The following RRH variants were observed in gnomAD, a reference collection of about 807,000 sequenced individuals.
RRH encodes the protein retinal pigment epithelium-derived rhodopsin homolog, also known as visual pigment-like receptor peropsin.
Under a neutral mutation model 33.1 loss-of-function variants are expected in RRH, and 36 were observed. The observed-to-expected ratio is 1.09, with a 90% CI of 0.83 to 1.44. RRH has a LOEUF of 1.44. RRH is among the 40% of genes most tolerant of loss of function. RRH has a pLI of 0.00. For missense variants in RRH, 393 were observed against 420.2 expected, an observed-to-expected ratio of 0.94 and a Z score of 0.57; for synonymous variants, 124 against 140.2, an observed-to-expected ratio of 0.88 and a Z score of 0.82.
intron 5 of RRH, among the ~76,000 whole-genome samples, chr4:109,838,960 T>A (rs1309262975): frequency 6.6e-6 from 1 of 152,146 alleles, no homozygotes; most frequent in African/African-American, 2.4e-5. Context: ...TTTCTCTGAT[T>A]ATTTCAGTCC....
At chr4:109,836,891 C>CAAAAAAAAAAAAAAAAAAAAAAAAAAA (rs56989659) in intron 4 of RRH, among the ~76,000 whole-genome samples, 3 of 84,416 alleles carry the variant, frequency 3.6e-5, no homozygotes, top group African/African-American at 1.8e-4. Context: ...CCTGTCTCTA[C>CAAAAAAAAAAAAAAAAAAAAAAAAAAA]AAAAAAAAAA....
At position 109,835,482 on chromosome 4, in the gene RRH, A is replaced by G; in HGVS notation, c.397+17A>G. On this transcript the variant is annotated intron_variant, in intron 3 of 6. Transcript: ENST00000317735. ...CTGACGTAGGTACAACACTTTTCTC[A>G]GCTTTCTTAATGAATCCATTTCTTG... is the stretch of plus-strand genomic sequence containing the variant. The G allele has an allele frequency of 6.4e-7, 1 of 1,564,282 alleles. No individual in the cohort carries two copies.
intron 1 of RRH, among the ~76,000 whole-genome samples, chr4:109,830,922 A>G (rs938972378): frequency 5.9e-5 from 9 of 152,180 alleles, no homozygotes; most frequent in Non-Finnish European, 1.2e-4. Context: ...AGAAATCAAC[A>G]TCAAGTGCTA....
At chr4:109,835,641 A>G (rs1049288525) in intron 3 of RRH, among the ~76,000 whole-genome samples, 176 bp downstream of exon 3, 6 of 152,182 alleles carry the variant, frequency 3.9e-5, no homozygotes, top group Non-Finnish European at 5.9e-5. Flanking sequence ...ATAAAATCCA[A>G]ATTTCATAAG....
intron 6 of RRH, among the ~76,000 whole-genome samples, chr4:109,843,179 C>G (rs1734014845): frequency 6.6e-6 from 1 of 152,238 alleles, no homozygotes; most frequent in East Asian, 1.9e-4. Context: ...TACCTCCTCT[C>G]TTTTTTGGGT....
At chr4:109,831,158 CA>C (rs1189550989) in intron 1 of RRH, among the ~76,000 whole-genome samples, 16 of 152,240 alleles carry the variant, frequency 1.1e-4, no homozygotes, top group African/African-American at 3.4e-4. Context: ...ACTTGGTAGG[CA>C]GCAATTTACT....
At chr4:109,835,789 T>C (rs1026004663) in intron 3 of RRH, among the ~76,000 whole-genome samples, 2 of 95,434 alleles carry the variant, frequency 2.1e-5, no homozygotes, top group African/African-American at 8.9e-5. Context: ...TTAAATGTCT[T>C]TTTTTTTTTC....
In RRH at chr4:109,837,596, T is replaced by C. The variant is rs754855086; in HGVS notation, c.711T>C (p.Asp237=). The C allele has an allele frequency of 2.5e-6, 4 of 1,613,688 alleles. No individual in the cohort carries two copies. In the East Asian group the frequency reaches 6.7e-5, roughly 27 times the overall value. ...ACAGAGACTGGTCAGATCAGATAGA[T>C]GTAACAAAGGTAAGAGATCAAAATC... The part of the protein sequence containing the change: ...SLNRDWSDQI[D]VTKMSVIMIC... Residue 237 remains aspartate (D), a synonymous_variant, in exon 5 of 7, where the codon GAT becomes GAC. Coordinates refer to ENST00000317735, the MANE Select transcript of RRH (RefSeq NM_006583.5).
intron 1 of RRH, 124 bp from the exon 2 acceptor site, chr4:109,833,015 C>G: frequency 1.3e-6 from 1 of 779,724 alleles, no homozygotes; most frequent in East Asian, 2.7e-5. Context: ...AGCAGGAGCT[C>G]TTCAAATAAA....
Position 109,842,466 on chromosome 4 carries a change from C to T in RRH, c.721-3C>T. On this transcript the variant is annotated splice_polypyrimidine_tract_variant and splice_region_variant and intron_variant, in intron 5 of 6. Coordinates refer to ENST00000317735, the MANE Select transcript of RRH (RefSeq NM_006583.5). ...GGCTTGGTGAATATTTATTTCTTTTCAGATGTCTGTGATCATGATCTGCAT... is the reference window on the plus strand; with the variant it reads ...GGCTTGGTGAATATTTATTTCTTTTTAGATGTCTGTGATCATGATCTGCAT... 6.2e-7 allele frequency: 1 copy of T among 1,613,474 alleles called. No individual in the cohort carries two copies. The highest frequency in any genetic ancestry group is 1.6e-4 in the Middle Eastern group (1 of 6,062).
Position 109,828,012 on chromosome 4 carries a change from G to A in RRH, c.-16G>A, listed in dbSNP as rs1224336070. ...AAGGCTTATTATGAAGGGTGTTTCGGTATCTTCCCTCCAAAATGCTAAGAA... is the reference window on the plus strand; with the variant it reads ...AAGGCTTATTATGAAGGGTGTTTCGATATCTTCCCTCCAAAATGCTAAGAA... On this transcript the variant is annotated 5_prime_UTR_variant, in exon 1 of 7. Transcript: ENST00000317735. 6.6e-7 allele frequency: 1 copy of A among 1,504,416 alleles called. No individual in the cohort carries two copies. Among genetic ancestry groups the A allele is most frequent in the East Asian group, 2.3e-5 (1 of 44,266 alleles). The allele number at this position is 1,504,416 out of a possible 1,614,324, so 93.2% of individuals were successfully genotyped here. A position where few individuals can be genotyped will look rare whatever the true frequency, so the allele number is the denominator to read the frequency against.
chr4:109,833,259 G>C lies in RRH; in HGVS notation c.227G>C (p.Ser76Thr). 3 of 1,613,888 alleles carry C rather than the reference G, an allele frequency of 1.9e-6. No homozygotes were observed. Among genetic ancestry groups the C allele is most frequent in the Non-Finnish European group, 2.5e-6 (3 of 1,179,800 alleles). ...GCTGTTACTGATATAGGGGTCAGTA[G>C]CATTGGCTATCCCATGTCTGCTGCC... ...NLAVTDIGVS[S>T]IGYPMSAASD... Residue 76 changes from serine to threonine, a missense_variant, in exon 2 of 7, where the codon AGC becomes ACC. Coordinates refer to ENST00000317735, the MANE Select transcript of RRH (RefSeq NM_006583.5).
At chr4:109,834,325 CTT>C (rs70954188) in intron 2 of RRH, among the ~76,000 whole-genome samples, 23,031 of 132,138 alleles carry the variant, frequency 0.17, 1,604 homozygotes, top group East Asian at 0.38. Flanking sequence ...TTTTCTTTTC[CTT>C]TTTTTTTTTT....
At chr4:109,836,503 A>G (rs1733887341) in intron 4 of RRH, among the ~76,000 whole-genome samples, 1 of 152,196 alleles carries the variant, frequency 6.6e-6, no homozygotes, top group South Asian at 2.1e-4. Flanking sequence ...ATGAAGCTAG[A>G]CAGAGTGTGC....
rs1340046675 is a variant in RRH, at chr4:109,833,285, T to G, written c.253T>G (p.Ser85Ala). 2 of 1,614,088 alleles carry G rather than the reference T, an allele frequency of 1.2e-6. No individual in the cohort carries two copies. The highest frequency in any genetic ancestry group is 4.5e-5 in the East Asian group (2 of 44,866). The change falls in exon 2 of 7, where the codon TCA becomes GCA. Residue 85 changes from serine (S) to alanine (A), a missense_variant. Transcript: ENST00000317735. The stretch of plus-strand genomic sequence containing the variant: ...CATTGGCTATCCCATGTCTGCTGCC[T>G]CAGATCTGTATGGAAGTTGGAAATT... ...SSIGYPMSAA[S>A]DLYGSWKFGY... is the part of the protein sequence containing the mutation.
chr4:109,833,339 A>G lies in RRH; in HGVS notation c.297+10A>G, dbSNP rs765420872. ...ATACGCAGGCTGTCAGGTATTGGAGATCATTGGAATGAAAGCAAAATAAAT... is the reference window on the plus strand; with the variant it reads ...ATACGCAGGCTGTCAGGTATTGGAGGTCATTGGAATGAAAGCAAAATAAAT... On this transcript the variant is annotated intron_variant, in intron 2 of 6. Coordinates refer to ENST00000317735, the MANE Select transcript of RRH (RefSeq NM_006583.5). 5.6e-6 allele frequency: 9 copies of G among 1,609,122 alleles called. No individual in the cohort carries two copies. Among genetic ancestry groups the G allele is most frequent in the Middle Eastern group, 1.7e-4 (1 of 6,050 alleles).
Position 109,842,479 on chromosome 4 carries a change from T to G in RRH, c.731T>G (p.Ile244Ser), listed in dbSNP as rs202014616. The change falls in exon 6 of 7, where the codon ATC becomes AGC. Residue 244 changes from isoleucine to serine, a missense_variant. Transcript: ENST00000317735. ...TTTATTTCTTTTCAGATGTCTGTGA[T>G]CATGATCTGCATGTTTCTGGTGGCA... ...DQIDVTKMSV[I>S]MICMFLVAWS... The G allele has an allele frequency of 1.6e-4, 254 of 1,614,050 alleles. 1 individual carries two copies. In the Middle Eastern group the frequency reaches 2.0e-3, roughly 13 times the overall value.
intron 1 of RRH, among the ~76,000 whole-genome samples, chr4:109,831,080 C>T (rs1430248680): frequency 6.6e-6 from 1 of 152,190 alleles, no homozygotes; most frequent in Non-Finnish European, 1.5e-5. Flanking sequence ...AAGGGCTAAA[C>T]TGTTTAGTTC....
intron 1 of RRH, among the ~76,000 whole-genome samples, chr4:109,829,324 G>A (rs1733700946): frequency 6.7e-6 from 1 of 149,868 alleles, no homozygotes; most frequent in Non-Finnish European, 1.5e-5. Flanking sequence ...TAGTTTTTTT[G>A]TAATTGCAAA....
Sources: allele counts gnomAD v4.1 joint callset (sites outside exome capture counted in the v4.1 genomes callset), GRCh38; gene constraint gnomAD v4.1.1; transcripts MANE v1.5; gene names NCBI Gene and HGNC (gene_info 2026-07-23, HGNC 2026-07-21).